GTF2F1: variants seen among roughly 807,000 people sequenced by gnomAD.
GTF2F1 encodes the protein general transcription factor IIF 74 kDa subunit.
GTF2F1 carries 39 observed loss-of-function variants against 63.5 expected under a neutral mutation model. The observed-to-expected ratio is 0.61, with a 90% confidence interval of 0.48 to 0.80. The LOEUF is 0.80. Among genes scored for constraint, GTF2F1 ranks in the 30% least tolerant of loss-of-function variants. GTF2F1 has a pLI of 0.00. For synonymous variants in GTF2F1, 287 were observed against 285.3 expected, an observed-to-expected ratio of 1.01 and a Z score of -0.06; for missense variants, 657 against 718.3, an observed-to-expected ratio of 0.91 and a Z score of 0.97.
chr19:6,381,377 C>T lies in GTF2F1; in HGVS notation c.1000G>A (p.Glu334Lys), dbSNP rs1206684696. 3 of 1,607,050 alleles carry T rather than the reference C, an allele frequency of 1.9e-6. No homozygotes were observed. The highest frequency in any genetic ancestry group is 2.5e-6 in the Non-Finnish European group (3 of 1,177,234). ...GCCGCACCTTTCCTGCGCTTCTTCT[C>T]CTGCGGGGTGGGTGCCTTCTTCTCC... Reference protein sequence around the residue: ...EEEKKAPTPQEKKRRKDSSEE... With the variant: ...EEEKKAPTPQKKKRRKDSSEE... Residue 334 changes from glutamate (E) to lysine (K), a missense_variant, in exon 9 of 13, where the codon GAG becomes AAG. By Grantham distance (56) the Glu-to-Lys change is moderately conservative. Around this residue, in one of 2 missense-constraint regions of GTF2F1, gnomAD observed 602 missense variants for 625.6 expected, o/e 0.96. Transcript: ENST00000394456. The surrounding 1 kb of genome is among the most constrained non-coding windows in gnomAD (Gnocchi z 4.1).
Position 6,387,506 on chromosome 19 carries a change from A to G in GTF2F1, c.380T>C (p.Phe127Ser). The G allele has an allele frequency of 6.2e-7, 1 of 1,614,182 alleles. No homozygotes were observed. Among genetic ancestry groups the G allele is most frequent in the Non-Finnish European group, 8.5e-7 (1 of 1,180,000 alleles). Residue 127 changes from phenylalanine to serine, a missense_variant, in exon 5 of 13, where the codon TTC becomes TCC. By Grantham distance (155) the Phe-to-Ser change is radical (BLOSUM62 -2). Transcript: ENST00000394456. ...GAAGGCCCCGTCGGGGCACTGGGTGAAGATGTAGTAGGACGTGTTCTCTGT... is the reference window on the plus strand; with the variant it reads ...GAAGGCCCCGTCGGGGCACTGGGTGGAGATGTAGTAGGACGTGTTCTCTGT... ...GVTENTSYYI[F>S]TQCPDGAFEA...
chr19:6,384,160 T>C (rs949348293), intron 5 of GTF2F1, among the ~76,000 whole-genome samples: 16 of 151,932 alleles, frequency 1.1e-4, no homozygotes, highest in African/African-American at 3.9e-4. Flanking sequence ...ACATACTGTT[T>C]CCATTGGAAC....
At chr19:6,384,128 T>C (rs1256689897) in intron 5 of GTF2F1, among the ~76,000 whole-genome samples, 1 of 151,982 alleles carries the variant, frequency 6.6e-6, no homozygotes, top group Non-Finnish European at 1.5e-5. Context: ...AATTTATAGA[T>C]GTATTTTTCT....
Position 6,386,070 on chromosome 19 carries a change from G to C in GTF2F1, c.497+1319C>G, listed in dbSNP as rs145161371. On this transcript the variant is annotated intron_variant, in intron 5 of 12. Coordinates refer to ENST00000394456, the MANE Select transcript of GTF2F1 (RefSeq NM_002096.3). ...CAGCCTGGGTGACAGAGCGAGATTC[G>C]GTCTCAAAAAAACAAAACAACAAAA... Among the ~76,000 whole-genome samples the C allele has an allele frequency of 4.5e-3, 658 of 147,030 alleles. 4 individuals carry two copies. The highest frequency in any genetic ancestry group is 0.016 in the African/African-American group (620 of 39,790).
At position 6,383,187 on chromosome 19, in the gene GTF2F1, C is replaced by T; in HGVS notation, c.682+124G>A. ...AAAGTGCTGGGATGACAGGCGTGAGCCACTGTGCCCGGCCCCACTTGCCTC... is the reference window on the plus strand; with the variant it reads ...AAAGTGCTGGGATGACAGGCGTGAGTCACTGTGCCCGGCCCCACTTGCCTC... On this transcript the variant is annotated intron_variant, in intron 6 of 12. Coordinates refer to ENST00000394456, the MANE Select transcript of GTF2F1 (RefSeq NM_002096.3). The surrounding 1 kb of genome is among the most constrained non-coding windows in gnomAD (Gnocchi z 4.5). The T allele has an allele frequency of 1.0e-6, 1 of 1,001,132 alleles. No homozygotes were observed. Among genetic ancestry groups the T allele is most frequent in the Non-Finnish European group, 1.5e-6 (1 of 665,436 alleles). The allele number at this position is 1,001,132 out of a possible 1,614,324, so 62.0% of individuals were successfully genotyped here. A position where few individuals can be genotyped will look rare whatever the true frequency, so the allele number is the denominator to read the frequency against.
chr19:6,388,083 C>T (rs2091980760), intron 4 of GTF2F1, among the ~76,000 whole-genome samples: 1 of 136,706 alleles, frequency 7.3e-6, no homozygotes. Flanking sequence ...GTGTCTGCCA[C>T]CACACCCAGC....
At chr19:6,387,320 GT>G (rs1218460648) in intron 5 of GTF2F1, 68 bp downstream of exon 5, 2 of 1,457,762 alleles carry the variant, frequency 1.4e-6, no homozygotes, top group Non-Finnish European at 1.9e-6. Flanking sequence ...ACAGGGCCTG[GT>G]GATATATCCA....
chr19:6,387,962 C>T (rs1304484589), intron 4 of GTF2F1, among the ~76,000 whole-genome samples: 1 of 149,964 alleles, frequency 6.7e-6, no homozygotes, highest in Non-Finnish European at 1.5e-5. Flanking sequence ...TGGAGTCTCG[C>T]TCTGGCACCC....
chr19:6,391,843 G>C, intron 3 of GTF2F1, 59 bp downstream of exon 3: 1 of 829,334 alleles, frequency 1.2e-6, no homozygotes, highest in Non-Finnish European at 2.0e-6. Flanking sequence ...CAACCACCAA[G>C]GTCAGGGTCA....
rs1237629568 is a variant in GTF2F1 at position 6,381,896 on chromosome 19, G to A, written c.683-46C>T. ...GGAAAGGAGGGAAAGTGAGGAGGAA[G>A]GCAGTGGGTATTTATTGTGTTTTTC... On this transcript the variant is annotated intron_variant, in intron 6 of 12. Coordinates refer to ENST00000394456, the MANE Select transcript of GTF2F1 (RefSeq NM_002096.3). This position sits in a 1 kb window ranked among gnomAD's most constrained non-coding sequence, Gnocchi z 4.1. The A allele has an allele frequency of 8.1e-6, 12 of 1,475,702 alleles. No individual in the cohort carries two copies. Among genetic ancestry groups the A allele is most frequent in the Non-Finnish European group, 1.1e-5 (12 of 1,066,032 alleles). 91.4% of individuals were successfully genotyped at this position (1,475,702 alleles called of 1,614,324 possible). A position where few individuals can be genotyped will look rare whatever the true frequency, so the allele number is the denominator to read the frequency against.
Position 6,392,242 on chromosome 19 carries a change from A to T in GTF2F1, c.60-268T>A, listed in dbSNP as rs1261670839. ...CCTGTTTTGCCTGGCAACACTGGAT[A>T]CGGAAGACTCCAAGGATTCCCAGTC... On this transcript the variant is annotated intron_variant, in intron 2 of 12. Transcript: ENST00000394456. The T allele has an allele frequency of 1.1e-5, 6 of 525,310 alleles. No homozygotes were observed. In the Admixed American group the frequency reaches 1.4e-4, roughly 12 times the overall value. 32.5% of individuals were successfully genotyped at this position (525,310 alleles called of 1,614,324 possible). A position where few individuals can be genotyped will look rare whatever the true frequency, so the allele number is the denominator to read the frequency against.
chr19:6,391,407 C>A (rs2091996434), intron 3 of GTF2F1, among the ~76,000 whole-genome samples: 1 of 151,520 alleles, frequency 6.6e-6, no homozygotes, highest in Non-Finnish European at 1.5e-5. Context: ...ACAGGGACAC[C>A]CAGGAGCTAG....
At chr19:6,392,960 G>A (rs996541640) in intron 1 of GTF2F1, 24 bp downstream of exon 1, 3 of 1,613,980 alleles carry the variant, frequency 1.9e-6, no homozygotes, top group African/African-American at 2.7e-5. Context: ...CGGAACCCCC[G>A]AACCCCGCCA....
Position 6,392,884 on chromosome 19 carries a change from A to G in GTF2F1, c.32T>C (p.Val11Ala), listed in dbSNP as rs771523648. MAALGPSSQN[V>A]TEYVVRVPKN... ...AGGAACTCGAACGACGTATTCAGTG[A>G]CATTCTGGCTGCTAGGGCCCTGCGG... Residue 11 changes from valine to alanine, a missense_variant, in exon 2 of 13, where the codon GTC becomes GCC. Val to Ala is a moderately conservative substitution (Grantham distance 64, BLOSUM62 0). Coordinates refer to ENST00000394456, the MANE Select transcript of GTF2F1 (RefSeq NM_002096.3). 1 of 1,614,136 alleles carries G rather than the reference A, an allele frequency of 6.2e-7. No individual in the cohort carries two copies. The highest frequency in any genetic ancestry group is 8.5e-7 in the Non-Finnish European group (1 of 1,179,998).
At chr19:6,392,047 T>C (rs878934643) in intron 2 of GTF2F1, 73 bp from the exon 3 acceptor site, 39 of 786,020 alleles carry the variant, frequency 5.0e-5, no homozygotes, top group South Asian at 4.3e-4. Flanking sequence ...GTCAATGCTA[T>C]TGAACCATTA....
In GTF2F1 at chr19:6,381,965, G is replaced by A; in HGVS notation, c.683-115C>T. The A allele has an allele frequency of 1.2e-6, 1 of 850,270 alleles. No individual in the cohort carries two copies. The highest frequency in any genetic ancestry group is 2.4e-5 in the Admixed American group (1 of 41,194). The allele number at this position is 850,270 out of a possible 1,614,324, so 52.7% of individuals were successfully genotyped here. A position where few individuals can be genotyped will look rare whatever the true frequency, so the allele number is the denominator to read the frequency against. On this transcript the variant is annotated intron_variant, in intron 6 of 12. Coordinates refer to ENST00000394456, the MANE Select transcript of GTF2F1 (RefSeq NM_002096.3). This position sits in a 1 kb window ranked among gnomAD's most constrained non-coding sequence, Gnocchi z 4.1. ...ACATCCTGGGGGGCCTCACTGACTGGGGAGACTACACCTCCAGGGCCAGCC... is the reference window on the plus strand; with the variant it reads ...ACATCCTGGGGGGCCTCACTGACTGAGGAGACTACACCTCCAGGGCCAGCC...
In GTF2F1 at chr19:6,393,124, C is replaced by A. The variant is rs1033226125; in HGVS notation, c.-129G>T. The stretch of plus-strand genomic sequence containing the variant: ...CTCTGTGCCTGAGCGAGGACCCCAA[C>A]CCTAGGCGCCTCTGGCGCTGGGAAA... On this transcript the variant is annotated 5_prime_UTR_variant, in exon 1 of 13. Transcript: ENST00000394456. 7.5e-6 allele frequency: 9 copies of A among 1,203,940 alleles called. No individual in the cohort carries two copies. Among genetic ancestry groups the A allele is most frequent in the Non-Finnish European group, 1.1e-5 (9 of 830,080 alleles). The allele number at this position is 1,203,940 out of a possible 1,614,324, so 74.6% of individuals were successfully genotyped here. A position where few individuals can be genotyped will look rare whatever the true frequency, so the allele number is the denominator to read the frequency against.
At chr19:6,387,165 G>C (rs1383067019) in intron 5 of GTF2F1, 3 of 521,746 alleles carry the variant, frequency 5.7e-6, no homozygotes, top group Non-Finnish European at 1.0e-5. Flanking sequence ...TTTGAGCTCC[G>C]GGTCACAGAC....
chr19:6,388,442 G>T (rs1483214224), intron 4 of GTF2F1, among the ~76,000 whole-genome samples: 1 of 152,166 alleles, frequency 6.6e-6, no homozygotes, highest in African/African-American at 2.4e-5. Flanking sequence ...TGAGCTGCCT[G>T]TGTCTGTCAC....
Sources: gnomAD v4.1 joint callset for allele counts (sites outside exome capture counted in the v4.1 genomes callset) on GRCh38, gnomAD v4.1.1 for gene constraint, gnomAD v4.1.1 regional missense constraint, Gnocchi (gnomAD v3.1) non-coding constraint, MANE v1.5 for transcripts, NCBI Gene and HGNC (gene_info 2026-07-23, HGNC 2026-07-21) for gene names.